Variants in ELOVL5 observed in about 807,000 individuals in gnomAD.
ELOVL5 encodes ELOVL fatty acid elongase 5.
ELOVL5 carries 8 observed loss-of-function variants against 38.6 expected under a neutral mutation model. The observed-to-expected ratio is 0.21, with a 90% CI of 0.12 to 0.37. ELOVL5 has a LOEUF of 0.37. Among genes scored for constraint, ELOVL5 ranks in the 10% least tolerant of loss-of-function variants. The pLI, the probability that ELOVL5 is intolerant of heterozygous loss-of-function variation, is 1.00. For missense variants in ELOVL5, 280 were observed against 367.8 expected (o/e 0.76, Z 1.95); for synonymous variants, 127 against 133.7 (o/e 0.95, Z 0.34).
At chr6:53,292,750 C>G (rs1174480742) in intron 2 of ELOVL5, among the ~76,000 whole-genome samples, 1 of 152,212 alleles carries the variant, frequency 6.6e-6, no homozygotes, top group Admixed American at 6.5e-5. Flanking sequence ...GAGATCGTAC[C>G]ACTGCACCCC....
intron 1 of ELOVL5, among the ~76,000 whole-genome samples, chr6:53,309,613 T>C (rs991029333): frequency 1.3e-5 from 2 of 152,200 alleles, no homozygotes; most frequent in African/African-American, 4.8e-5. Flanking sequence ...ACCAGGGTTG[T>C]GTGTGTGACC....
intron 1 of ELOVL5, among the ~76,000 whole-genome samples, chr6:53,344,200 T>C (rs993844781): frequency 6.6e-6 from 1 of 152,206 alleles, no homozygotes; most frequent in Non-Finnish European, 1.5e-5. Context: ...TCTGGATATC[T>C]ATCTAGGCTG....
intron 1 of ELOVL5, among the ~76,000 whole-genome samples, chr6:53,297,609 T>G (rs1339259312): frequency 6.6e-6 from 1 of 152,192 alleles, no homozygotes; most frequent in Non-Finnish European, 1.5e-5. Context: ...TACTTAATTG[T>G]TCGATTTAAT....
chr6:53,291,223 C>T (rs1161288744), intron 3 of ELOVL5, among the ~76,000 whole-genome samples: 1 of 152,142 alleles, frequency 6.6e-6, no homozygotes, highest in Admixed American at 6.5e-5. Flanking sequence ...AATAACTGGG[C>T]CTGAACTCAG....
chr6:53,322,814 T>C (rs991446350), intron 1 of ELOVL5, among the ~76,000 whole-genome samples: 2 of 152,226 alleles, frequency 1.3e-5, no homozygotes, highest in African/African-American at 4.8e-5. Context: ...TGTTACAGCA[T>C]CAAACAAAGC....
intron 1 of ELOVL5, among the ~76,000 whole-genome samples, chr6:53,297,897 G>A (rs1007717338): frequency 5.9e-5 from 9 of 152,168 alleles, no homozygotes; most frequent in South Asian, 4.1e-4. Flanking sequence ...AAATCCTGGT[G>A]CTGAAGAGAA....
intron 1 of ELOVL5, among the ~76,000 whole-genome samples, chr6:53,305,757 T>C (rs1166924737): frequency 1.6e-5 from 2 of 127,898 alleles, no homozygotes; most frequent in South Asian, 2.6e-4. Context: ...ACATCCCAGA[T>C]GATGGGCGGC....
chr6:53,291,746 A>G (rs1766781809), intron 3 of ELOVL5, 30 bp downstream of exon 3: 1 of 1,546,554 alleles, frequency 6.5e-7, no homozygotes, highest in East Asian at 2.3e-5. Context: ...CATTTATGTG[A>G]AAGGAAGACT....
intron 3 of ELOVL5, among the ~76,000 whole-genome samples, chr6:53,284,095 C>T (rs1481321045): frequency 6.6e-6 from 1 of 151,776 alleles, no homozygotes; most frequent in African/African-American, 2.4e-5. Flanking sequence ...TGCCAGAGCC[C>T]AGGAATTTGA....
At chr6:53,294,334 A>G (rs1346027197) in intron 2 of ELOVL5, 39 of 1,576,654 alleles carry the variant, frequency 2.5e-5, no homozygotes, top group Middle Eastern at 1.7e-4. Context: ...GAGGGATGAC[A>G]GCTGGCAAAG....
At chr6:53,327,901 A>G (rs1161950360) in intron 1 of ELOVL5, among the ~76,000 whole-genome samples, 2 of 152,078 alleles carry the variant, frequency 1.3e-5, no homozygotes, top group African/African-American at 4.8e-5. Flanking sequence ...GTTCAACCTA[A>G]AAGTCCTTCC....
At chr6:53,283,965 A>G (rs1561866989) in intron 3 of ELOVL5, among the ~76,000 whole-genome samples, 1 of 152,134 alleles carries the variant, frequency 6.6e-6, no homozygotes, top group African/African-American at 2.4e-5. Context: ...AAAGAAAATC[A>G]GTAAACACTG....
intron 4 of ELOVL5, 64 bp downstream of exon 4, chr6:53,276,115 T>C: frequency 1.7e-6 from 2 of 1,160,734 alleles, no homozygotes; most frequent in East Asian, 2.5e-5. Context: ...TTTTGTATTT[T>C]ATACAATTTA....
chr6:53,273,495 A>G (rs555099771), intron 5 of ELOVL5, 151 bp from the exon 6 acceptor site: 1 of 691,510 alleles, frequency 1.4e-6, no homozygotes, highest in South Asian at 1.9e-5. Flanking sequence ...CAAGCAATGC[A>G]TGGATGTGTA....
chr6:53,268,917 T>A lies in ELOVL5; in HGVS notation c.*210A>T, dbSNP rs1765824198. 4 of 523,604 alleles carry A rather than the reference T, an allele frequency of 7.6e-6. No individual in the cohort carries two copies. Among genetic ancestry groups the A allele is most frequent in the Non-Finnish European group, 1.3e-5 (4 of 299,250 alleles). 32.4% of individuals were successfully genotyped at this position (523,604 alleles called of 1,614,324 possible). On this transcript the variant is annotated 3_prime_UTR_variant, in exon 8 of 8. Coordinates refer to ENST00000304434, the MANE Select transcript of ELOVL5 (RefSeq NM_021814.5). ...CCCTTTCCACAGTCTAGCGCAGGGG[T>A]CAGAGAGCCCAGAAATGTTAGAAAT...
At chr6:53,314,851 T>C (rs755944113) in intron 1 of ELOVL5, among the ~76,000 whole-genome samples, 4 of 152,264 alleles carry the variant, frequency 2.6e-5, no homozygotes, top group Non-Finnish European at 5.9e-5. Flanking sequence ...CTACTTTGAT[T>C]TGGAAAAGCT....
intron 1 of ELOVL5, among the ~76,000 whole-genome samples, chr6:53,341,679 A>C (rs1769337266): frequency 6.6e-6 from 1 of 152,226 alleles, no homozygotes; most frequent in South Asian, 2.1e-4. Context: ...TAAAATTTGC[A>C]GAATATTCCG....
intron 1 of ELOVL5, among the ~76,000 whole-genome samples, chr6:53,344,758 C>T (rs957722236): frequency 6.6e-6 from 1 of 152,138 alleles, no homozygotes; most frequent in African/African-American, 2.4e-5. Flanking sequence ...TCTTCCACTC[C>T]TGCCTTCTAA....
At chr6:53,299,955 G>A (rs1344978817) in intron 1 of ELOVL5, among the ~76,000 whole-genome samples, 1 of 152,124 alleles carries the variant, frequency 6.6e-6, no homozygotes, top group East Asian at 1.9e-4. Flanking sequence ...TACATGTGGG[G>A]AAATGATAAT....
Sources: gnomAD v4.1 joint callset for allele counts (sites outside exome capture counted in the v4.1 genomes callset) on GRCh38, gnomAD v4.1.1 for gene constraint, MANE v1.5 for transcripts, NCBI Gene and HGNC (gene_info 2026-07-23, HGNC 2026-07-21) for gene names.